The following GPR19 variants were observed in gnomAD, a reference collection of about 807,000 sequenced individuals.
GPR19 encodes the protein probable G protein-coupled receptor 19.
Under a neutral mutation model 28.5 loss-of-function variants are expected in GPR19, and 14 were observed. The ratio of observed to expected loss-of-function variants is 0.49; its 90% CI spans 0.32 to 0.77. The LOEUF (loss-of-function observed/expected upper bound fraction) is 0.77. GPR19 is among the 30% of genes least tolerant of loss of function. GPR19 has a pLI of 0.03. For missense variants in GPR19, 409 were observed against 504.1 expected (o/e 0.81, Z 1.81); for synonymous variants, 173 against 184.1 (o/e 0.94, Z 0.49).
intron 3 of GPR19, among the ~76,000 whole-genome samples, chr12:12,665,798 G>A (rs911013393): frequency 2.5e-5 from 3 of 119,400 alleles, no homozygotes; most frequent in Non-Finnish European, 4.8e-5. Flanking sequence ...GCAGCCTGGG[G>A]CACAAAGCCA....
chr12:12,665,710 G>A (rs970222675), intron 3 of GPR19, among the ~76,000 whole-genome samples: 2 of 150,944 alleles, frequency 1.3e-5, no homozygotes, highest in Non-Finnish European at 1.5e-5. Flanking sequence ...GGTGGTGGGC[G>A]CCTGTAGTCC....
chr12:12,694,353 C>G (rs1035648132), intron 2 of GPR19, among the ~76,000 whole-genome samples: 1 of 151,100 alleles, frequency 6.6e-6, no homozygotes, highest in African/African-American at 2.4e-5. Flanking sequence ...TGCCCACCAC[C>G]ACGCCCGGCT....
intron 3 of GPR19, among the ~76,000 whole-genome samples, chr12:12,678,733 G>A (rs1336230731): frequency 6.6e-6 from 1 of 152,022 alleles, no homozygotes; most frequent in East Asian, 1.9e-4. Context: ...TATTGGGTTG[G>A]TGCAAAACAA....
At chr12:12,677,983 AG>A (rs1945957133) in intron 3 of GPR19, among the ~76,000 whole-genome samples, 1 of 147,700 alleles carries the variant, frequency 6.8e-6, no homozygotes, top group Non-Finnish European at 1.5e-5. Flanking sequence ...CAGAGGCAGG[AG>A]AATTACTTGA....
At chr12:12,671,262 C>T (rs1437137459) in intron 3 of GPR19, among the ~76,000 whole-genome samples, 2 of 150,896 alleles carry the variant, frequency 1.3e-5, no homozygotes, top group Non-Finnish European at 1.5e-5. Flanking sequence ...GCTGAGATTA[C>T]ACCACTGCAC....
chr12:12,689,831 T>G, intron 2 of GPR19, among the ~76,000 whole-genome samples: 1 of 152,200 alleles, frequency 6.6e-6, no homozygotes, highest in Admixed American at 6.5e-5. Context: ...TTACTTACTC[T>G]GGGCAAGCCA....
chr12:12,692,385 T>C (rs944397094), intron 2 of GPR19, among the ~76,000 whole-genome samples: 4 of 21,118 alleles, frequency 1.9e-4, no homozygotes, highest in African/African-American at 2.3e-4. Context: ...CTGGCTTCTC[T>C]TGTCTTTTTT....
At chr12:12,684,673 C>T (rs1428400672) in intron 2 of GPR19, among the ~76,000 whole-genome samples, 166 bp from the exon 3 acceptor site, 4 of 152,138 alleles carry the variant, frequency 2.6e-5, no homozygotes, top group Admixed American at 2.6e-4. Context: ...CCATCTTCTC[C>T]CTCCCTTCCC....
rs74957190 is a variant in GPR19, at chr12:12,685,403, A to C, written c.-179-896T>G. Among the ~76,000 whole-genome samples, 207 of 152,104 alleles carry C rather than the reference A, an allele frequency of 1.4e-3. 3 individuals are homozygous for C. In the East Asian group the frequency reaches 0.014, roughly 10 times the overall value. On this transcript the variant is annotated intron_variant, in intron 2 of 3. Coordinates refer to ENST00000651487, the MANE Select transcript of GPR19 (RefSeq NM_006143.3). ...TACAAGTCTAGATGTCATTAGCCCC[A>C]TCCCTAGGCCTCAGGCAGGGCTGAA...
At chr12:12,710,213 C>T in the GPR19 span, among the ~76,000 whole-genome samples, 1 of 151,968 alleles carries the variant, frequency 6.6e-6, no homozygotes, top group Non-Finnish European at 1.5e-5. Flanking sequence ...ATTAGCTGGG[C>T]CTGGTGGCGC....
At chr12:12,717,207 G>A in the GPR19 span, 3 of 1,048,810 alleles carry the variant, frequency 2.9e-6, no homozygotes, top group Non-Finnish European at 3.5e-6. Context: ...ATCTCCCGGC[G>A]GCGCTCGGGG....
chr12:12,701,792 G>A, the GPR19 span, among the ~76,000 whole-genome samples: 1 of 152,042 alleles, frequency 6.6e-6, no homozygotes, highest in Admixed American at 6.6e-5. Flanking sequence ...TTAGCTGGGT[G>A]TGGTGGTGCG....
At chr12:12,675,088 T>A (rs1945910710) in intron 3 of GPR19, among the ~76,000 whole-genome samples, 1 of 152,114 alleles carries the variant, frequency 6.6e-6, no homozygotes, top group South Asian at 2.1e-4. Flanking sequence ...CCGCCTTGGG[T>A]CCCAGCCGTG....
Position 12,661,993 on chromosome 12 carries a change from C to G in GPR19, c.456G>C (p.Gln152His). 6.2e-7 allele frequency: 1 copy of G among 1,614,208 alleles called. No homozygotes were observed. The highest frequency in any genetic ancestry group is 8.5e-7 in the Non-Finnish European group (1 of 1,180,030). Residue 152 changes from glutamine to histidine, a missense_variant, in exon 4 of 4, where the codon CAG becomes CAC. By Grantham distance (24) the Gln-to-His change is conservative. Transcript: ENST00000651487. The surrounding 1 kb of genome is among the most constrained non-coding windows in gnomAD (Gnocchi z 4.2). ...TGCAGATGGAGAGGAGAACGTAGAT[C>G]TGGACACCTGGAGTGAGATATTGAA... The part of the protein sequence containing the change: ...RYFQYLTPGV[Q>H]IYVLLSICID...
the GPR19 span, chr12:12,715,169 T>C: frequency 2.6e-5 from 4 of 152,242 alleles, no homozygotes; most frequent in Admixed American, 1.3e-4. Context: ...TGCATATGGA[T>C]AGATGCACAT....
At chr12:12,688,324 C>A (rs1255685570) in intron 2 of GPR19, among the ~76,000 whole-genome samples, 1 of 151,142 alleles carries the variant, frequency 6.6e-6, no homozygotes, top group Non-Finnish European at 1.5e-5. Flanking sequence ...CGAATATAAT[C>A]AAATCTGTAC....
At chr12:12,686,049 G>A (rs753830828) in intron 2 of GPR19, among the ~76,000 whole-genome samples, 8 of 152,176 alleles carry the variant, frequency 5.3e-5, no homozygotes, top group Non-Finnish European at 1.0e-4. Context: ...GATAGCATTT[G>A]GATTACTCCA....
At chr12:12,716,234 G>A in the GPR19 span, among the ~76,000 whole-genome samples, 2 of 152,196 alleles carry the variant, frequency 1.3e-5, no homozygotes, top group African/African-American at 4.8e-5. Flanking sequence ...TGGTTGTGGT[G>A]TTTTAAAAAT....
the GPR19 span, among the ~76,000 whole-genome samples, chr12:12,702,825 T>TA: frequency 6.6e-6 from 1 of 152,198 alleles, no homozygotes; most frequent in Admixed American, 6.5e-5. Flanking sequence ...ATAAAGGTGT[T>TA]AAAAAATGAT....
Sources: gnomAD v4.1 joint callset for allele counts (sites outside exome capture counted in the v4.1 genomes callset) on GRCh38, gnomAD v4.1.1 for gene constraint, Gnocchi (gnomAD v3.1) non-coding constraint, MANE v1.5 for transcripts, NCBI Gene and HGNC (gene_info 2026-07-23, HGNC 2026-07-21) for gene names.